The following DPP6 variants were observed in gnomAD, a reference collection of about 807,000 sequenced individuals.
The protein encoded by DPP6 is dipeptidyl peptidase like 6, also known as A-type potassium channel modulatory protein DPP6.
A neutral mutation model predicts 122.6 loss-of-function variants in DPP6; 69 were observed. The observed-to-expected ratio is 0.56, with a 90% confidence interval of 0.46 to 0.69. The LOEUF (loss-of-function observed/expected upper bound fraction) is 0.69. Among genes scored for constraint, DPP6 ranks in the 30% least tolerant of loss-of-function variants. The pLI is 0.00. For missense variants in DPP6, 928 were observed against 1,116.9 expected (o/e 0.83, Z 2.41); for synonymous variants, 418 against 433.1 (o/e 0.97, Z 0.43).
At chr7:154,030,994 A>G (rs903912355) in intron 1 of DPP6, among the ~76,000 whole-genome samples, 2 of 151,978 alleles carry the variant, frequency 1.3e-5, no homozygotes, top group African/African-American at 4.8e-5. Flanking sequence ...TTTTAGCTCT[A>G]AACGTTGGTT....
At chr7:153,917,001 T>G (rs1162098093) in intron 1 of DPP6, among the ~76,000 whole-genome samples, 1 of 152,214 alleles carries the variant, frequency 6.6e-6, no homozygotes, top group Non-Finnish European at 1.5e-5. Flanking sequence ...CCCAGAGCTT[T>G]GCTTTTCACA....
At chr7:154,627,234 C>T (rs182456020) in intron 5 of DPP6, among the ~76,000 whole-genome samples, 24 of 130,564 alleles carry the variant, frequency 1.8e-4, no homozygotes, top group African/African-American at 5.3e-4. Flanking sequence ...CTCGCTCTGT[C>T]GCCCAAGCTG....
rs551555365 is a variant in DPP6, at chr7:154,478,764, C to T, written c.457+3727C>T. 3.3e-5 allele frequency among the ~76,000 whole-genome samples: 5 copies of T among 152,232 alleles called. No individual in the cohort carries two copies. In the East Asian group the frequency reaches 9.7e-4, roughly 29 times the overall value. On this transcript the variant is annotated intron_variant, in intron 3 of 25. Coordinates refer to ENST00000377770, the MANE Select transcript of DPP6 (RefSeq NM_130797.4). Reference sequence around the variant, plus strand: ...GGTCTCCTGCCAATTTCTTTTGCAACCTTAGTAGTTACATTGTGTATTTTA... The same window carrying T: ...GGTCTCCTGCCAATTTCTTTTGCAATCTTAGTAGTTACATTGTGTATTTTA...
chr7:154,664,005 T>C lies in DPP6; in HGVS notation c.681-5355T>C, dbSNP rs13247170. Among the ~76,000 whole-genome samples the C allele has an allele frequency of 7.3e-3, 713 of 98,216 alleles. 114 individuals are homozygous for C. Among genetic ancestry groups the C allele is most frequent in the African/African-American group, 0.019 (663 of 34,094 alleles). The allele number at this position is 98,216 out of a possible 152,430, so 64.4% of individuals were successfully genotyped here. ...GTCATGATGAATCACCATAGCGTAT[T>C]GGCCATAGTGTTCATATAGTCATGG... On this transcript the variant is annotated intron_variant, in intron 6 of 25. Coordinates refer to ENST00000377770, the MANE Select transcript of DPP6 (RefSeq NM_130797.4).
intron 1 of DPP6, among the ~76,000 whole-genome samples, chr7:154,430,035 C>T (rs1818230345): frequency 6.6e-6 from 1 of 152,134 alleles, no homozygotes; most frequent in African/African-American, 2.4e-5. Flanking sequence ...CATCCACCCT[C>T]CCAGTTCTCA....
chr7:153,973,675 G>GTGTGTGTGTGTGTGTGTGTGTGTC (rs61194333), intron 1 of DPP6, among the ~76,000 whole-genome samples: 1 of 132,982 alleles, frequency 7.5e-6, no homozygotes, highest in African/African-American at 2.7e-5. Context: ...GTGTGTGTGT[G>GTGTGTGTGTGTGTGTGTGTGTGTC]TCTAATGGTA....
the DPP6 span, among the ~76,000 whole-genome samples, chr7:153,876,319 C>T: frequency 6.6e-6 from 1 of 151,844 alleles, no homozygotes; most frequent in Non-Finnish European, 1.5e-5. Context: ...TACAGAAATA[C>T]TACATCTGTC....
At chr7:154,221,116 A>G (rs1800279051) in intron 1 of DPP6, among the ~76,000 whole-genome samples, 1 of 152,094 alleles carries the variant, frequency 6.6e-6, no homozygotes, top group South Asian at 2.1e-4. Flanking sequence ...CCTCTTAACA[A>G]AGTCACTCTG....
intron 1 of DPP6, among the ~76,000 whole-genome samples, chr7:154,268,568 A>T (rs1459663726): frequency 6.6e-6 from 1 of 152,168 alleles, no homozygotes; most frequent in Non-Finnish European, 1.5e-5. Flanking sequence ...GAAGGTTAGG[A>T]TTCTGACATA....
intron 1 of DPP6, among the ~76,000 whole-genome samples, chr7:154,225,914 A>G (rs4609125): frequency 0.8 from 121,012 of 152,102 alleles, 48,316 homozygotes; most frequent in Non-Finnish European, 0.82. Context: ...CTTCAAAGCA[A>G]CCTCACAGTT....
At position 154,188,308 on chromosome 7, in the gene DPP6, A is replaced by G. The variant is rs1798449095; in HGVS notation, c.243+135245A>G. On this transcript the variant is annotated intron_variant, in intron 1 of 25. Coordinates refer to ENST00000377770, the MANE Select transcript of DPP6 (RefSeq NM_130797.4). Reference sequence around the variant, plus strand: ...AGGGGATGAAACAAGTGAAAAAAATACTTTCCCCCCCAAATATATTTGTCT... The same window carrying G: ...AGGGGATGAAACAAGTGAAAAAAATGCTTTCCCCCCCAAATATATTTGTCT... 2.0e-5 allele frequency among the ~76,000 whole-genome samples: 3 copies of G among 152,318 alleles called. No individual in the cohort carries two copies. The South Asian group carries it at 6.2e-4, about 32-fold the overall frequency.
At chr7:154,375,937 C>T (rs1161641789) in intron 1 of DPP6, among the ~76,000 whole-genome samples, 1 of 152,186 alleles carries the variant, frequency 6.6e-6, no homozygotes, top group African/African-American at 2.4e-5. Context: ...CACATATACT[C>T]ACCTGCTGGC....
the DPP6 span, among the ~76,000 whole-genome samples, chr7:153,845,356 T>C: frequency 5.9e-5 from 9 of 152,074 alleles, no homozygotes; most frequent in South Asian, 2.1e-4. Flanking sequence ...ATAAAGCTTA[T>C]TGTCTTAATA....
chr7:154,011,266 T>C (rs1798141908), intron 1 of DPP6, among the ~76,000 whole-genome samples: 1 of 152,196 alleles, frequency 6.6e-6, no homozygotes, highest in Admixed American at 6.5e-5. Context: ...ATGACTGTCC[T>C]ACTTTCTAGC....
In DPP6 at chr7:154,058,692, A is replaced by G. The variant is rs556490588; in HGVS notation, c.243+5629A>G. 1.4e-3 allele frequency: 214 copies of G among 149,612 alleles called. 7 individuals are homozygous for G. The highest frequency in any genetic ancestry group is 5.1e-3 in the African/African-American group (204 of 39,904). The allele number at this position is 149,612 out of a possible 1,614,324, so 9.3% of individuals were successfully genotyped here. ...GACTGCGGGTGGTAGGTGTCCAAGT[A>G]GAAAGTTCAAATCTTCCGACGGCAG... is the stretch of plus-strand genomic sequence containing the variant. On this transcript the variant is annotated intron_variant, in intron 1 of 25. Transcript: ENST00000377770.
intron 1 of DPP6, among the ~76,000 whole-genome samples, chr7:154,418,657 C>T (rs1169087644): frequency 6.6e-6 from 1 of 152,164 alleles, no homozygotes; most frequent in African/African-American, 2.4e-5. Flanking sequence ...TCTCCCTGCT[C>T]CCTACTTTAC....
chr7:154,063,638 C>T (rs1406015550), intron 1 of DPP6, among the ~76,000 whole-genome samples: 1 of 136,988 alleles, frequency 7.3e-6, no homozygotes, highest in Non-Finnish European at 1.6e-5. Context: ...GACTGAGAGC[C>T]ACTCCCTCTT....
intron 3 of DPP6, among the ~76,000 whole-genome samples, chr7:154,515,999 G>C (rs960268377): frequency 6.6e-6 from 1 of 152,132 alleles, no homozygotes; most frequent in Non-Finnish European, 1.5e-5. Flanking sequence ...TGCCAAATTC[G>C]ATCCATGGTA....
chr7:154,107,601 AGGTGATATATATGTTAACTAGCTT>A (rs1302061353), intron 1 of DPP6, among the ~76,000 whole-genome samples: 1 of 152,258 alleles, frequency 6.6e-6, no homozygotes, highest in Admixed American at 6.5e-5. Context: ...TAAGTCTGTG[AGGTGATATATATGTTAACTAGCTT>A]GATATAAGCA....
Sources: gnomAD v4.1 joint callset for allele counts (sites outside exome capture counted in the v4.1 genomes callset) on GRCh38, gnomAD v4.1.1 for gene constraint, MANE v1.5 for transcripts, NCBI Gene and HGNC (gene_info 2026-07-23, HGNC 2026-07-21) for gene names.